ELAVL2: variants seen among roughly 807,000 people sequenced by gnomAD.
ELAVL2 encodes the protein ELAV like RNA binding protein 2.
A neutral mutation model predicts 34.6 loss-of-function variants in ELAVL2; 4 were observed. That is an observed-to-expected ratio of 0.12 (90% confidence interval 0.06 to 0.26). The LOEUF is 0.26. ELAVL2 is among the 10% of genes least tolerant of loss of function. The pLI is 1.00. For synonymous variants in ELAVL2, 193 were observed against 154.8 expected, an observed-to-expected ratio of 1.25 and a Z score of -1.83; for missense variants, 432 against 442.8, an observed-to-expected ratio of 0.98 and a Z score of 0.22.
chr9:23,850,262 A>G, the ELAVL2 span, among the ~76,000 whole-genome samples: 1 of 129,748 alleles, frequency 7.7e-6, no homozygotes, highest in Admixed American at 8.6e-5. Context: ...CACCCCCGCG[A>G]TTACCCGAGT....
At chr9:23,707,307 C>T (rs992888901) in intron 3 of ELAVL2, among the ~76,000 whole-genome samples, 1 of 152,184 alleles carries the variant, frequency 6.6e-6, no homozygotes, top group Non-Finnish European at 1.5e-5. Flanking sequence ...TTTCTTTTCT[C>T]GTGTAAGATT....
intron 2 of ELAVL2, among the ~76,000 whole-genome samples, chr9:23,742,657 AAAAG>A (rs1482843388): frequency 6.6e-6 from 1 of 152,194 alleles, no homozygotes; most frequent in Non-Finnish European, 1.5e-5. Flanking sequence ...TTTTATATCA[AAAAG>A]AAAGAGCAGA....
At chr9:23,722,510 C>CA (rs2044000737) in intron 3 of ELAVL2, among the ~76,000 whole-genome samples, 1 of 152,146 alleles carries the variant, frequency 6.6e-6, no homozygotes, top group Non-Finnish European at 1.5e-5. Flanking sequence ...AAGACAGCTC[C>CA]ACTCTCTGGC....
intron 1 of ELAVL2, among the ~76,000 whole-genome samples, chr9:23,808,190 A>G (rs2062496222): frequency 6.6e-6 from 1 of 151,332 alleles, no homozygotes; most frequent in East Asian, 2.0e-4. Context: ...AAGGAAATCA[A>G]CAAATGATCT....
In ELAVL2 at chr9:23,701,508, G is replaced by T. The variant is rs199582251; in HGVS notation, c.584C>A (p.Thr195Lys). 1 of 1,614,094 alleles carries T rather than the reference G, an allele frequency of 6.2e-7. No individual in the cohort carries two copies. Among genetic ancestry groups the T allele is most frequent in the East Asian group, 2.2e-5 (1 of 44,860 alleles). Residue 195 changes from threonine (T) to lysine (K), a missense_variant, in exon 5 of 7, where the codon ACG becomes AAG. Coordinates refer to ENST00000397312, the MANE Select transcript of ELAVL2 (RefSeq NM_004432.5). ...AGCAAACTTTACAGTGATTGGCTCC[G>T]TGGCACCGGGAGGTTTCTGGCCATT... ...GLNGQKPPGATEPITVKFANN... is the reference protein window; with the variant it reads ...GLNGQKPPGAKEPITVKFANN...
chr9:23,818,384 G>C (rs1031421405), intron 1 of ELAVL2, among the ~76,000 whole-genome samples: 1 of 152,180 alleles, frequency 6.6e-6, no homozygotes, highest in African/African-American at 2.4e-5. Flanking sequence ...AAATTCTTAA[G>C]AATTTCAAGA....
At chr9:23,752,217 G>A (rs1477585257) in intron 2 of ELAVL2, among the ~76,000 whole-genome samples, 1 of 152,132 alleles carries the variant, frequency 6.6e-6, no homozygotes, top group African/African-American at 2.4e-5. Context: ...GAAAGAAACT[G>A]ACGTTCAGAG....
At chr9:23,738,003 T>C (rs937383160) in intron 2 of ELAVL2, among the ~76,000 whole-genome samples, 1 of 152,234 alleles carries the variant, frequency 6.6e-6, no homozygotes, top group Non-Finnish European at 1.5e-5. Context: ...AAAGACCCTG[T>C]TGCCTCCTGA....
chr9:23,748,956 T>G (rs553206003), intron 2 of ELAVL2, among the ~76,000 whole-genome samples: 1 of 152,152 alleles, frequency 6.6e-6, no homozygotes, highest in African/African-American at 2.4e-5. Context: ...GAAAATATAA[T>G]GGTTACCAAA....
At chr9:23,769,002 A>C (rs2056833413) in intron 1 of ELAVL2, among the ~76,000 whole-genome samples, 1 of 152,032 alleles carries the variant, frequency 6.6e-6, no homozygotes, top group African/African-American at 2.4e-5. Context: ...GGTCCAGCCT[A>C]AACAGAGTGA....
At chr9:23,814,285 A>T (rs16907806) in intron 1 of ELAVL2, among the ~76,000 whole-genome samples, 2 of 152,148 alleles carry the variant, frequency 1.3e-5, no homozygotes, top group Non-Finnish European at 2.9e-5. Flanking sequence ...AACAAAGTGC[A>T]TAAGAGCCAA....
At chr9:23,788,776 A>G (rs1008931028) in intron 1 of ELAVL2, among the ~76,000 whole-genome samples, 7 of 152,196 alleles carry the variant, frequency 4.6e-5, no homozygotes, top group South Asian at 2.1e-4. Context: ...AGTCAATCTT[A>G]TAACTGAGAT....
At chr9:23,816,235 T>G (rs2063683388) in intron 1 of ELAVL2, among the ~76,000 whole-genome samples, 2 of 129,994 alleles carry the variant, frequency 1.5e-5, no homozygotes, top group Non-Finnish European at 3.1e-5. Flanking sequence ...GCAGGAAAGC[T>G]AAGAATCTCA....
At chr9:23,801,352 G>T (rs1284245262) in intron 1 of ELAVL2, among the ~76,000 whole-genome samples, 1 of 152,116 alleles carries the variant, frequency 6.6e-6, no homozygotes, top group East Asian at 1.9e-4. Context: ...ATTTCAAAAT[G>T]AAAAACTAAT....
At chr9:23,723,387 C>T (rs2044241970) in intron 3 of ELAVL2, among the ~76,000 whole-genome samples, 1 of 151,552 alleles carries the variant, frequency 6.6e-6, no homozygotes, top group African/African-American at 2.4e-5. Flanking sequence ...CACACGGACA[C>T]AGGAAGGGGA....
At chr9:23,732,120 C>T (rs538567903) in intron 2 of ELAVL2, among the ~76,000 whole-genome samples, 1 of 152,282 alleles carries the variant, frequency 6.6e-6, no homozygotes, top group East Asian at 1.9e-4. Flanking sequence ...AACTAAATGA[C>T]GATTTCCCAG....
chr9:23,703,039 A>G (rs992102751), intron 4 of ELAVL2, among the ~76,000 whole-genome samples: 23 of 150,402 alleles, frequency 1.5e-4, no homozygotes, highest in African/African-American at 5.4e-4. Context: ...AAGCATACCT[A>G]AGAACAACCT....
At chr9:23,712,187 G>C (rs1415973407) in intron 3 of ELAVL2, among the ~76,000 whole-genome samples, 5 of 152,108 alleles carry the variant, frequency 3.3e-5, no homozygotes, top group African/African-American at 9.7e-5. Flanking sequence ...ACAGAAAGGT[G>C]AAGCAACTTT....
chr9:23,833,058 T>G, the ELAVL2 span, among the ~76,000 whole-genome samples: 1 of 152,006 alleles, frequency 6.6e-6, no homozygotes, highest in Non-Finnish European at 1.5e-5. Flanking sequence ...AAGAGGTGTT[T>G]GCGTTTTTTT....
Sources: gnomAD v4.1 joint callset for allele counts (sites outside exome capture counted in the v4.1 genomes callset) on GRCh38, gnomAD v4.1.1 for gene constraint, MANE v1.5 for transcripts, NCBI Gene and HGNC (gene_info 2026-07-23, HGNC 2026-07-21) for gene names.